Variants in ASCC3 observed in about 807,000 individuals in gnomAD.
The protein encoded by ASCC3 is ASC-1 complex subunit P200.
In ASCC3, 158 loss-of-function variants were observed where a neutral mutation model predicts 256.3. The ratio of observed to expected loss-of-function variants is 0.62; its 90% CI spans 0.54 to 0.70. ASCC3 has a LOEUF of 0.70. Among genes scored for constraint, ASCC3 ranks in the 30% least tolerant of loss-of-function variants. The pLI, the probability that ASCC3 is intolerant of heterozygous loss-of-function variation, is 0.00. For synonymous variants in ASCC3, 948 were observed against 883.4 expected, an observed-to-expected ratio of 1.07 and a Z score of -1.30; for missense variants, 2,259 against 2,626.0, an observed-to-expected ratio of 0.86 and a Z score of 3.05.
chr6:100,646,774 A>G lies in ASCC3; in HGVS notation c.3479-5T>C, dbSNP rs1775403473. 1 of 1,613,424 alleles carries G rather than the reference A, an allele frequency of 6.2e-7. No homozygotes were observed. The highest frequency in any genetic ancestry group is 1.7e-5 in the Admixed American group (1 of 59,994). On this transcript the variant is annotated splice_region_variant and splice_polypyrimidine_tract_variant and intron_variant, in intron 21 of 41. Coordinates refer to ENST00000369162, the MANE Select transcript of ASCC3 (RefSeq NM_006828.4). ...TCACATGATGTAAAATGTGACCTGC[A>G]AGAAAAATATCACATAGAAGAAATG...
intron 10 of ASCC3, among the ~76,000 whole-genome samples, chr6:100,749,799 C>T (rs192653813): frequency 6.6e-6 from 1 of 151,506 alleles, no homozygotes; most frequent in Admixed American, 6.6e-5. Flanking sequence ...AGTATAATGG[C>T]ACAAAGCTCT....
rs755250996 is a variant in ASCC3 at position 100,624,221 on chromosome 6, T to C, written c.4785+971A>G. Among the ~76,000 whole-genome samples the C allele has an allele frequency of 6.5e-4, 99 of 151,836 alleles. 1 individual carries two copies. The highest frequency in any genetic ancestry group is 3.4e-3 in the Middle Eastern group (1 of 290). ...ATGTATATATGTATAGAAATACACA[T>C]ATATGAAGAAAAGTAATCTATAAAA... is the stretch of plus-strand genomic sequence containing the variant. On this transcript the variant is annotated intron_variant, in intron 30 of 41. Coordinates refer to ENST00000369162, the MANE Select transcript of ASCC3 (RefSeq NM_006828.4).
At chr6:100,801,795 A>T (rs1769929857) in intron 5 of ASCC3, among the ~76,000 whole-genome samples, 1 of 151,646 alleles carries the variant, frequency 6.6e-6, no homozygotes, top group African/African-American at 2.4e-5. Flanking sequence ...AGAATGCAAC[A>T]TTCTGCCAGT....
intron 14 of ASCC3, among the ~76,000 whole-genome samples, chr6:100,669,915 G>T (rs1442080992): frequency 6.6e-6 from 1 of 151,766 alleles, no homozygotes; most frequent in African/African-American, 2.4e-5. Context: ...TATAAGGCTT[G>T]AAGAAATCAC....
intron 4 of ASCC3, among the ~76,000 whole-genome samples, chr6:100,840,761 C>T (rs1772104822): frequency 6.6e-6 from 1 of 151,642 alleles, no homozygotes; most frequent in Non-Finnish European, 1.5e-5. Flanking sequence ...ATATATACTC[C>T]AAAATATTTG....
intron 13 of ASCC3, among the ~76,000 whole-genome samples, chr6:100,709,916 T>C (rs1778786581): frequency 6.6e-6 from 1 of 152,166 alleles, no homozygotes; most frequent in Admixed American, 6.5e-5. Flanking sequence ...ACAAACAGTA[T>C]AGGAGATATG....
chr6:100,747,167 A>T (rs939393818), intron 10 of ASCC3, among the ~76,000 whole-genome samples: 6 of 151,912 alleles, frequency 3.9e-5, no homozygotes, highest in African/African-American at 1.4e-4. Flanking sequence ...GATGCTCAAC[A>T]TCATTAGTCA....
intron 13 of ASCC3, among the ~76,000 whole-genome samples, chr6:100,700,826 G>A (rs777327719): frequency 1.3e-5 from 2 of 152,214 alleles, no homozygotes; most frequent in Non-Finnish European, 2.9e-5. Context: ...TTGTATCTAG[G>A]AAGTAACTAA....
intron 13 of ASCC3, among the ~76,000 whole-genome samples, chr6:100,704,022 A>C (rs1456906901): frequency 6.7e-6 from 1 of 150,358 alleles, no homozygotes; most frequent in African/African-American, 2.4e-5. Flanking sequence ...TAAAAGTAAA[A>C]TAGAAAACTC....
chr6:100,723,860 TTATATATATATATATA>T lies in ASCC3; in HGVS notation c.1902+1663_1902+1678del, dbSNP rs58924032. 1.9e-3 allele frequency among the ~76,000 whole-genome samples: 205 copies of T among 110,230 alleles called. 2 individuals are homozygous for T. The highest frequency in any genetic ancestry group is 4.6e-3 in the African/African-American group (140 of 30,576). 72.3% of individuals were successfully genotyped at this position (110,230 alleles called of 152,430 possible). ...GATATGGCCAGAAGTTATTAGGGAATTATATATATATATATATATATATATATATATATATATTTAT... is the reference window on the plus strand; with the variant it reads ...GATATGGCCAGAAGTTATTAGGGAATTATATATATATATATATATATTTAT... On this transcript the variant is annotated intron_variant, in intron 11 of 41. Transcript: ENST00000369162.
chr6:100,850,649 CA>C (rs1481482220), intron 3 of ASCC3, among the ~76,000 whole-genome samples: 2 of 152,098 alleles, frequency 1.3e-5, no homozygotes, highest in Non-Finnish European at 1.5e-5. Context: ...GGAAAATAAG[CA>C]ATTTTACAAT....
intron 14 of ASCC3, among the ~76,000 whole-genome samples, chr6:100,674,631 ATTTT>A (rs3073741): frequency 1.5e-5 from 2 of 131,640 alleles, no homozygotes; most frequent in Non-Finnish European, 3.2e-5. Context: ...TTATTACAGA[ATTTT>A]TTTTTTTTTT....
At chr6:100,679,949 A>C (rs752112963) in intron 13 of ASCC3, among the ~76,000 whole-genome samples, 197 bp from the exon 14 acceptor site, 4 of 152,216 alleles carry the variant, frequency 2.6e-5, no homozygotes, top group Non-Finnish European at 5.9e-5. Context: ...TTTAGCTTAC[A>C]AGTTGATAGA....
chr6:100,548,778 A>G (rs1769129834), intron 36 of ASCC3, among the ~76,000 whole-genome samples: 1 of 151,818 alleles, frequency 6.6e-6, no homozygotes, highest in African/African-American at 2.4e-5. Flanking sequence ...AGAAGTGAGG[A>G]GTGTTCTAGG....
chr6:100,798,064 C>A (rs936995806), intron 8 of ASCC3, among the ~76,000 whole-genome samples: 1 of 151,934 alleles, frequency 6.6e-6, no homozygotes, highest in African/African-American at 2.4e-5. Context: ...TTTTTGCTTG[C>A]CTGTATTATT....
intron 36 of ASCC3, among the ~76,000 whole-genome samples, chr6:100,545,766 G>C (rs1261502917): frequency 1.3e-5 from 2 of 152,066 alleles, no homozygotes; most frequent in Non-Finnish European, 2.9e-5. Flanking sequence ...ATTTTTTGTA[G>C]ACTTGGGATC....
intron 14 of ASCC3, among the ~76,000 whole-genome samples, chr6:100,665,208 C>T (rs950005683): frequency 5.9e-5 from 9 of 152,116 alleles, no homozygotes; most frequent in Non-Finnish European, 1.0e-4. Flanking sequence ...ATTCAACCAG[C>T]GTCAGTGGCC....
intron 22 of ASCC3, among the ~76,000 whole-genome samples, chr6:100,644,617 G>A (rs62422696): frequency 0.019 from 2,932 of 151,426 alleles, 37 homozygotes; most frequent in East Asian, 0.045. Flanking sequence ...TCTCTGTCTC[G>A]CTCTTCCTTG....
intron 3 of ASCC3, chr6:100,856,912 A>G (rs922247304): frequency 6.6e-5 from 10 of 152,114 alleles, no homozygotes; most frequent in African/African-American, 2.2e-4. Flanking sequence ...CCTATTTTTG[A>G]TATACATGTA....
Sources: gnomAD v4.1 joint callset for allele counts (sites outside exome capture counted in the v4.1 genomes callset) on GRCh38, gnomAD v4.1.1 for gene constraint, MANE v1.5 for transcripts, NCBI Gene and HGNC (gene_info 2026-07-23, HGNC 2026-07-21) for gene names.